The following GOLGA5 variants were observed in gnomAD, a reference collection of about 807,000 sequenced individuals.
GOLGA5 encodes the protein golgin A5, also known as golgin subfamily A member 5.
In GOLGA5, 50 loss-of-function variants were observed where a neutral mutation model predicts 93.5. The ratio of observed to expected loss-of-function variants is 0.53; its 90% CI spans 0.43 to 0.68. GOLGA5 has a LOEUF of 0.68. GOLGA5 is among the 30% of genes least tolerant of loss of function. The probability of loss-of-function intolerance (pLI) is 0.00; values close to 1 mark genes in which losing one functional copy is unlikely to be tolerated. For synonymous variants in GOLGA5, 312 were observed against 304.5 expected (o/e 1.02, Z -0.26); for missense variants, 760 against 856.4 (o/e 0.89, Z 1.40).
chr14:92,805,284 C>A (rs1485487005), intron 2 of GOLGA5, among the ~76,000 whole-genome samples: 1 of 152,094 alleles, frequency 6.6e-6, no homozygotes, highest in East Asian at 1.9e-4. Context: ...AATCTGGCTT[C>A]TTTTACTGAA....
chr14:92,836,758 G>T (rs2064951), intron 11 of GOLGA5, among the ~76,000 whole-genome samples: 122,765 of 152,076 alleles, frequency 0.81, 50,090 homozygotes, highest in African/African-American at 0.91. Flanking sequence ...CGTAACTTCT[G>T]TAATTCCACT....
chr14:92,799,862 C>T (rs1884830451), intron 2 of GOLGA5, among the ~76,000 whole-genome samples: 1 of 152,132 alleles, frequency 6.6e-6, no homozygotes, highest in Non-Finnish European at 1.5e-5. Flanking sequence ...CCACCTTGGC[C>T]TCCCAAAGTG....
intron 2 of GOLGA5, among the ~76,000 whole-genome samples, chr14:92,801,741 T>TC (rs1057477110): frequency 2.0e-5 from 3 of 151,440 alleles, no homozygotes; most frequent in Admixed American, 6.6e-5. Flanking sequence ...TTTTCTTTTT[T>TC]TTTTTTTTGC....
chr14:92,821,917 A>C (rs1025658492), intron 8 of GOLGA5, among the ~76,000 whole-genome samples: 4 of 152,182 alleles, frequency 2.6e-5, no homozygotes, highest in Non-Finnish European at 5.9e-5. Context: ...TTAATGAGAT[A>C]ATTTTCATTT....
intron 1 of GOLGA5, among the ~76,000 whole-genome samples, chr14:92,794,912 T>A (rs1282976184): frequency 6.6e-6 from 1 of 152,150 alleles, no homozygotes; most frequent in Non-Finnish European, 1.5e-5. Flanking sequence ...CCCTGGGCAG[T>A]GTCTGGGGAA....
At chr14:92,823,381 C>T (rs1386556849) in intron 8 of GOLGA5, among the ~76,000 whole-genome samples, 2 of 150,782 alleles carry the variant, frequency 1.3e-5, no homozygotes, top group South Asian at 2.1e-4. Flanking sequence ...CTTTATGACC[C>T]GTTCTCCTTT....
At chr14:92,812,793 C>T (rs910048831) in intron 6 of GOLGA5, among the ~76,000 whole-genome samples, 4 of 152,142 alleles carry the variant, frequency 2.6e-5, no homozygotes, top group Admixed American at 6.5e-5. Context: ...CTCTCTTGGG[C>T]GCTCTTCCCA....
At chr14:92,832,683 G>A (rs190424624) in intron 9 of GOLGA5, among the ~76,000 whole-genome samples, 10 of 152,290 alleles carry the variant, frequency 6.6e-5, no homozygotes, top group Admixed American at 5.2e-4. Flanking sequence ...GCACTGCACC[G>A]TAACTGTTGA....
Position 92,823,711 on chromosome 14 carries a change from A to G in GOLGA5, c.1621-835A>G, listed in dbSNP as rs1207382683. Among the ~76,000 whole-genome samples, 9 of 152,228 alleles carry G rather than the reference A, an allele frequency of 5.9e-5. No individual in the cohort carries two copies. The East Asian group carries it at 1.7e-3, about 29-fold the overall frequency. ...ATTACAGTTGTGAGCTACCGTGCCC[A>G]ACCTGGCTTTTCTTTCTTACAGTTT... On this transcript the variant is annotated intron_variant, in intron 8 of 12. Coordinates refer to ENST00000163416, the MANE Select transcript of GOLGA5 (RefSeq NM_005113.4).
intron 11 of GOLGA5, 24 bp from the exon 12 acceptor site, chr14:92,837,362 C>T: frequency 8.1e-7 from 1 of 1,240,500 alleles, no homozygotes; most frequent in Non-Finnish European, 1.2e-6. Context: ...CTCTCCTCTC[C>T]CCCTCACACC....
intron 11 of GOLGA5, among the ~76,000 whole-genome samples, chr14:92,836,928 G>A (rs1254415789): frequency 1.3e-5 from 2 of 152,100 alleles, no homozygotes; most frequent in Non-Finnish European, 2.9e-5. Context: ...TTAGCCAGGC[G>A]TGGTGGTAGT....
chr14:92,799,545 A>C (rs977370742), intron 2 of GOLGA5, among the ~76,000 whole-genome samples: 8 of 150,600 alleles, frequency 5.3e-5, no homozygotes, highest in Non-Finnish European at 1.2e-4. Context: ...CGGCCTCCCA[A>C]AGTGCTGGGA....
Position 92,836,738 on chromosome 14 carries a change from C to T in GOLGA5, c.2052-648C>T, listed in dbSNP as rs912440780. 2.0e-5 allele frequency among the ~76,000 whole-genome samples: 3 copies of T among 152,158 alleles called. No individual in the cohort carries two copies. The South Asian group carries it at 6.2e-4, about 32-fold the overall frequency. ...TCCCCAGTCACATAGTTGACACCCA[C>T]CTAATCTTTCGTAACTTCTGTAATT... On this transcript the variant is annotated intron_variant, in intron 11 of 12. Coordinates refer to ENST00000163416, the MANE Select transcript of GOLGA5 (RefSeq NM_005113.4).
intron 9 of GOLGA5, among the ~76,000 whole-genome samples, chr14:92,832,471 G>T (rs1386774581): frequency 2.0e-5 from 3 of 152,196 alleles, no homozygotes; most frequent in African/African-American, 7.2e-5. Flanking sequence ...AAGATGGAAT[G>T]AAGGAAGTCG....
At chr14:92,821,672 ATTAC>A (rs1885319896) in intron 8 of GOLGA5, among the ~76,000 whole-genome samples, 1 of 152,124 alleles carries the variant, frequency 6.6e-6, no homozygotes, top group African/African-American at 2.4e-5. Context: ...ATTAGGATTT[ATTAC>A]TTCTGAAACT....
At chr14:92,816,904 T>G (rs1885221257) in intron 7 of GOLGA5, among the ~76,000 whole-genome samples, 1 of 151,382 alleles carries the variant, frequency 6.6e-6, no homozygotes, top group Non-Finnish European at 1.5e-5. Flanking sequence ...TTTCTTTCCT[T>G]TCTCTCCTTT....
At chr14:92,832,327 G>A (rs996333604) in intron 9 of GOLGA5, among the ~76,000 whole-genome samples, 5 of 152,140 alleles carry the variant, frequency 3.3e-5, no homozygotes, top group Non-Finnish European at 7.3e-5. Flanking sequence ...GTGCTGTAAG[G>A]GATTTATAAG....
chr14:92,799,502 T>C (rs1884816543), intron 2 of GOLGA5, among the ~76,000 whole-genome samples: 2 of 149,238 alleles, frequency 1.3e-5, no homozygotes, highest in South Asian at 4.2e-4. Context: ...GCCAGGAGGC[T>C]CTTGATCTCC....
At chr14:92,819,927 A>G in intron 8 of GOLGA5, 91 bp downstream of exon 8, 1 of 1,297,552 alleles carries the variant, frequency 7.7e-7, no homozygotes, top group Non-Finnish European at 1.1e-6. Context: ...TGAAATTTTT[A>G]GAGTATGGGC....
Sources: allele counts gnomAD v4.1 joint callset (sites outside exome capture counted in the v4.1 genomes callset), GRCh38; gene constraint gnomAD v4.1.1; transcripts MANE v1.5; gene names NCBI Gene and HGNC (gene_info 2026-07-23, HGNC 2026-07-21).